ELP4: variants seen among roughly 807,000 people sequenced by gnomAD.
The protein encoded by ELP4 is elongator complex protein 4.
A neutral mutation model predicts 48.9 loss-of-function variants in ELP4; 51 were observed. The ratio of observed to expected loss-of-function variants is 1.04; its 90% CI spans 0.83 to 1.32. The LOEUF is 1.32. ELP4 is among the 40% of genes most tolerant of loss of function. The probability of loss-of-function intolerance (pLI) is 0.00; values close to 1 mark genes in which losing one functional copy is unlikely to be tolerated. For synonymous variants in ELP4, 210 were observed against 189.2 expected (o/e 1.11, Z -0.90); for missense variants, 519 against 514.6 (o/e 1.01, Z -0.08).
At chr11:31,563,859 C>T (rs969629719) in intron 3 of ELP4, among the ~76,000 whole-genome samples, 4 of 152,076 alleles carry the variant, frequency 2.6e-5, no homozygotes, top group Non-Finnish European at 5.9e-5. Context: ...AACAACAATA[C>T]AGTATGTTCT....
intron 9 of ELP4, among the ~76,000 whole-genome samples, chr11:31,746,162 G>C (rs1439829121): frequency 2.6e-5 from 4 of 152,206 alleles, no homozygotes; most frequent in African/African-American, 7.2e-5. Flanking sequence ...GGCCATCAGA[G>C]AAATGCAAAT....
At chr11:31,661,062 TATA>T (rs1369213133) in intron 9 of ELP4, among the ~76,000 whole-genome samples, 1 of 152,080 alleles carries the variant, frequency 6.6e-6, no homozygotes, top group Non-Finnish European at 1.5e-5. Context: ...ATTTTAAAAA[TATA>T]ATGAAATATA....
rs192118664 is a variant in ELP4 at position 31,736,207 on chromosome 11, G to A, written c.1144-47186G>A. On this transcript the variant is annotated intron_variant, in intron 9 of 9. Transcript: ENST00000640961. ...ACTATCTGATCTTTGACAAACCTGA[G>A]AAAAACAAAGAATGGGGAAAGGATT... 4.9e-4 allele frequency among the ~76,000 whole-genome samples: 75 copies of A among 152,186 alleles called. No homozygotes were observed. In the East Asian group the frequency reaches 0.012, roughly 25 times the overall value.
chr11:31,765,722 A>T (rs866277563), intron 9 of ELP4, among the ~76,000 whole-genome samples: 2 of 152,178 alleles, frequency 1.3e-5, no homozygotes, highest in African/African-American at 4.8e-5. Context: ...CTATTTAAGT[A>T]GTATATATTT....
chr11:31,625,073 T>C (rs1410732111), intron 5 of ELP4, among the ~76,000 whole-genome samples: 1 of 151,672 alleles, frequency 6.6e-6, no homozygotes, highest in Non-Finnish European at 1.5e-5. Flanking sequence ...ATAAATAGTA[T>C]AGTAAGTACA....
chr11:31,534,266 GGTGTGTGTGT>G lies in ELP4; in HGVS notation c.260-5379_260-5370del, dbSNP rs61054150. On this transcript the variant is annotated intron_variant, in intron 2 of 9. Coordinates refer to ENST00000640961, the MANE Select transcript of ELP4 (RefSeq NM_019040.5). Reference sequence around the variant, plus strand: ...ATAAGGATGGGGAGAGAGGTGGATTGGTGTGTGTGTGTGTGTGTGTGTGTGTATGAGAGCG... The same window carrying G: ...ATAAGGATGGGGAGAGAGGTGGATTGGTGTGTGTGTGTGTGTATGAGAGCG... 6.7e-5 allele frequency among the ~76,000 whole-genome samples: 10 copies of G among 148,234 alleles called. No individual in the cohort carries two copies. The South Asian group carries it at 1.5e-3, about 22-fold the overall frequency.
chr11:31,680,067 G>C (rs1307550098), intron 9 of ELP4, among the ~76,000 whole-genome samples: 1 of 151,968 alleles, frequency 6.6e-6, no homozygotes, highest in African/African-American at 2.4e-5. Context: ...GTGATTCTCT[G>C]TATCTGCCTA....
At chr11:31,724,121 A>G (rs1947024686) in intron 9 of ELP4, among the ~76,000 whole-genome samples, 1 of 152,192 alleles carries the variant, frequency 6.6e-6, no homozygotes, top group Admixed American at 6.5e-5. Flanking sequence ...TAATGACAGA[A>G]CTGGGTTTCC....
chr11:31,637,889 G>C (rs1460366753), intron 7 of ELP4, among the ~76,000 whole-genome samples: 2 of 151,828 alleles, frequency 1.3e-5, no homozygotes, highest in Admixed American at 1.3e-4. Flanking sequence ...TTAGTTTTGT[G>C]CCTTATGATG....
chr11:31,562,914 A>C (rs961325106), intron 3 of ELP4, among the ~76,000 whole-genome samples: 23 of 152,240 alleles, frequency 1.5e-4, no homozygotes, highest in South Asian at 4.1e-4. Context: ...AAGATAATAC[A>C]GGGAATATAC....
chr11:31,642,334 A>T (rs11031436), intron 7 of ELP4, among the ~76,000 whole-genome samples: 43,967 of 151,706 alleles, frequency 0.29, 6,926 homozygotes, highest in African/African-American at 0.42. Context: ...ATGTGTTCTT[A>T]AAAAAAGTCT....
In ELP4 at chr11:31,785,911, C is replaced by T. The variant is rs990066045; in HGVS notation, c.*2387C>T. ...ATAAATACTTAAGAACAATGCCAAA[C>T]GTAATATCTGAAATGATATCTTTTA... On this transcript the variant is annotated 3_prime_UTR_variant, in exon 10 of 10. Transcript: ENST00000640961. The T allele has an allele frequency of 1.5e-4, 29 of 195,188 alleles. No homozygotes were observed. The highest frequency in any genetic ancestry group is 1.2e-3 in the Admixed American group (19 of 16,446). The allele number at this position is 195,188 out of a possible 1,614,324, so 12.1% of individuals were successfully genotyped here.
chr11:31,612,836 G>T (rs557875455), intron 5 of ELP4, among the ~76,000 whole-genome samples: 32 of 152,286 alleles, frequency 2.1e-4, no homozygotes, highest in African/African-American at 7.0e-4. Context: ...ATGGCTGGGG[G>T]TTAGCTATAT....
At chr11:31,551,381 A>T (rs1323880033) in intron 3 of ELP4, among the ~76,000 whole-genome samples, 1 of 152,134 alleles carries the variant, frequency 6.6e-6, no homozygotes. Context: ...CCCATAAACT[A>T]GTCTCAAAGC....
At position 31,784,948 on chromosome 11, in the gene ELP4, TA is replaced by T. The variant is rs1480698603; in HGVS notation, c.*1425del. 5.5e-6 allele frequency: 1 copy of T among 180,510 alleles called. No homozygotes were observed. The highest frequency in any genetic ancestry group is 1.2e-5 in the Non-Finnish European group (1 of 84,406). The allele number at this position is 180,510 out of a possible 1,614,324, so 11.2% of individuals were successfully genotyped here. Reference sequence around the variant, plus strand: ...ATTTTGTCACCCGCTATTTCATTAGTACTAAAAATCAGGTTTCTTATTCTAT... The same window carrying T: ...ATTTTGTCACCCGCTATTTCATTAGTCTAAAAATCAGGTTTCTTATTCTAT... On this transcript the variant is annotated 3_prime_UTR_variant, in exon 10 of 10. Coordinates refer to ENST00000640961, the MANE Select transcript of ELP4 (RefSeq NM_019040.5).
intron 9 of ELP4, among the ~76,000 whole-genome samples, chr11:31,751,644 T>A (rs1228396222): frequency 6.6e-6 from 1 of 152,218 alleles, no homozygotes. Context: ...TGAGGCTCTA[T>A]CTCAAGCATA....
rs751323940 is a variant in ELP4 at position 31,563,888 on chromosome 11, A to G, written c.381+24105A>G. 2.4e-4 allele frequency among the ~76,000 whole-genome samples: 37 copies of G among 152,228 alleles called. 1 individual carries two copies. Among genetic ancestry groups the G allele is most frequent in the Non-Finnish European group, 8.8e-5 (6 of 68,030 alleles). On this transcript the variant is annotated intron_variant, in intron 3 of 9. Transcript: ENST00000640961. ...ATGTTCTGTTTGTGCTCTGGGTTAG[A>G]AATCAAAGGCTGGGGATTTTTGAAA... is the stretch of plus-strand genomic sequence containing the variant.
chr11:31,608,250 A>G (rs7949354), intron 5 of ELP4, among the ~76,000 whole-genome samples: 4,011 of 151,426 alleles, frequency 0.026, 166 homozygotes, highest in African/African-American at 0.092. Flanking sequence ...TGAGGGAGAG[A>G]AGTGTATGGG....
chr11:31,540,689 AATT>A (rs986399592), intron 3 of ELP4, among the ~76,000 whole-genome samples: 2 of 152,168 alleles, frequency 1.3e-5, no homozygotes, highest in African/African-American at 4.8e-5. Context: ...TACATATAAA[AATT>A]ATTATATCTG....
Sources: allele counts gnomAD v4.1 joint callset (sites outside exome capture counted in the v4.1 genomes callset), GRCh38; gene constraint gnomAD v4.1.1; transcripts MANE v1.5; gene names NCBI Gene and HGNC (gene_info 2026-07-23, HGNC 2026-07-21).